Variants in PPFIA2 observed in about 807,000 individuals in gnomAD.
PPFIA2 encodes PPFI scaffold protein A2.
PPFIA2 carries 46 observed loss-of-function variants against 175.5 expected under a neutral mutation model. The observed-to-expected ratio is 0.26, with a 90% CI of 0.21 to 0.34. The LOEUF (loss-of-function observed/expected upper bound fraction) is 0.34. Ranked by LOEUF, PPFIA2 falls within the 10% of genes least tolerant of loss-of-function variation. PPFIA2 has a pLI of 1.00. For missense variants in PPFIA2, 1,179 were observed against 1,506.1 expected, an observed-to-expected ratio of 0.78 and a Z score of 3.60; for synonymous variants, 568 against 511.4, an observed-to-expected ratio of 1.11 and a Z score of -1.49.
intron 11 of PPFIA2, among the ~76,000 whole-genome samples, chr12:81,370,809 C>T (rs1364228940): frequency 6.6e-6 from 1 of 151,834 alleles, no homozygotes; most frequent in African/African-American, 2.4e-5. Context: ...TTAATCATTG[C>T]AAGTTAAGTA....
chr12:81,293,984 G>A (rs1462068395), intron 24 of PPFIA2, among the ~76,000 whole-genome samples: 2 of 152,082 alleles, frequency 1.3e-5, no homozygotes, highest in Non-Finnish European at 2.9e-5. Context: ...AATGTCTTTT[G>A]TAGCAACATA....
chr12:81,487,951 C>T (rs1436594997), intron 4 of PPFIA2, among the ~76,000 whole-genome samples: 2 of 151,754 alleles, frequency 1.3e-5, no homozygotes, highest in African/African-American at 4.8e-5. Flanking sequence ...TCTGCATTTC[C>T]ATTTAATTTT....
At chr12:81,343,022 G>T (rs1230719548) in intron 19 of PPFIA2, among the ~76,000 whole-genome samples, 1 of 151,610 alleles carries the variant, frequency 6.6e-6, no homozygotes, top group African/African-American at 2.4e-5. Flanking sequence ...TTAGAGTTTT[G>T]GAATTAGAGA....
At chr12:81,554,022 CT>C (rs747055069) in intron 4 of PPFIA2, among the ~76,000 whole-genome samples, 17 of 151,616 alleles carry the variant, frequency 1.1e-4, no homozygotes, top group African/African-American at 2.2e-4. Context: ...TTTAATACAA[CT>C]TTTTTTTGCT....
chr12:81,539,103 A>G (rs2065839502), intron 4 of PPFIA2, among the ~76,000 whole-genome samples: 1 of 151,964 alleles, frequency 6.6e-6, no homozygotes, highest in African/African-American at 2.4e-5. Context: ...ATTTTATACT[A>G]ATCCACTGGA....
intron 4 of PPFIA2, among the ~76,000 whole-genome samples, chr12:81,498,560 T>A (rs1164932895): frequency 1.3e-5 from 2 of 152,320 alleles, no homozygotes; most frequent in South Asian, 4.1e-4. Context: ...GTCCTTCTTA[T>A]TGTATCCTTT....
In PPFIA2 at chr12:81,735,607, A is replaced by AT. The variant is rs754845595; in HGVS notation, c.249+18365dup. On this transcript the variant is annotated intron_variant, in intron 3 of 32. Coordinates refer to ENST00000549396, the MANE Select transcript of PPFIA2 (RefSeq NM_003625.5). ...TTATTTTGATGAAGTTCTATTTATA[A>AT]TTTTTTTTGTGGATTGTACTTTTAG... Among the ~76,000 whole-genome samples the AT allele has an allele frequency of 8.6e-5, 13 of 151,528 alleles. No homozygotes were observed. In the East Asian group the frequency reaches 2.0e-3, roughly 23 times the overall value.
At chr12:81,758,912 C>G (rs756651228) in intron 1 of PPFIA2, among the ~76,000 whole-genome samples, 1 of 152,098 alleles carries the variant, frequency 6.6e-6, no homozygotes, top group Admixed American at 6.5e-5. Flanking sequence ...CAAAAGAAAG[C>G]TTGGAGAAAA....
chr12:81,268,921 A>G (rs1458484556), intron 28 of PPFIA2, among the ~76,000 whole-genome samples: 1 of 152,220 alleles, frequency 6.6e-6, no homozygotes, highest in Admixed American at 6.5e-5. Context: ...GCATCAACAG[A>G]TGGATACTTA....
At chr12:81,671,394 T>C (rs1260555198) in intron 4 of PPFIA2, among the ~76,000 whole-genome samples, 1 of 151,936 alleles carries the variant, frequency 6.6e-6, no homozygotes, top group Non-Finnish European at 1.5e-5. Flanking sequence ...TAATGTCAAG[T>C]TTCTCCTGTG....
Position 81,326,494 on chromosome 12 carries a change from T to C in PPFIA2, c.2549-624A>G, listed in dbSNP as rs1036731126. 3.5e-4 allele frequency among the ~76,000 whole-genome samples: 54 copies of C among 152,124 alleles called. 1 individual carries two copies. Among genetic ancestry groups the C allele is most frequent in the African/African-American group, 1.2e-3 (51 of 41,448 alleles). ...AGGTTCTTGTGTTGTTTTTTAAACTTCATAATATTTTTTGAAAAAATTCTA... is the reference window on the plus strand; with the variant it reads ...AGGTTCTTGTGTTGTTTTTTAAACTCCATAATATTTTTTGAAAAAATTCTA... On this transcript the variant is annotated intron_variant, in intron 21 of 32. Transcript: ENST00000549396.
At chr12:81,744,709 G>A (rs1597140705) in intron 3 of PPFIA2, among the ~76,000 whole-genome samples, 1 of 152,078 alleles carries the variant, frequency 6.6e-6, no homozygotes. Flanking sequence ...TACAGGCATG[G>A]GCCACTGCGC....
At chr12:81,387,053 C>T (rs995113962) in intron 8 of PPFIA2, among the ~76,000 whole-genome samples, 5 of 152,002 alleles carry the variant, frequency 3.3e-5, no homozygotes, top group African/African-American at 4.8e-5. Context: ...TGCCCATCGA[C>T]ACCTGTGTTA....
intron 4 of PPFIA2, among the ~76,000 whole-genome samples, chr12:81,463,440 A>C (rs1300718477): frequency 1.3e-5 from 2 of 152,156 alleles, no homozygotes; most frequent in Admixed American, 1.3e-4. Context: ...TATTTTGTTC[A>C]CCAACCTATG....
chr12:81,556,859 C>T (rs769206663), intron 4 of PPFIA2, among the ~76,000 whole-genome samples: 8 of 151,888 alleles, frequency 5.3e-5, no homozygotes, highest in Admixed American at 2.6e-4. Context: ...ATGAGGACTG[C>T]ACATCTTTCA....
chr12:81,712,618 C>T (rs1274717305), intron 3 of PPFIA2, among the ~76,000 whole-genome samples: 1 of 150,930 alleles, frequency 6.6e-6, no homozygotes, highest in Non-Finnish European at 1.5e-5. Flanking sequence ...AATGAACAGC[C>T]CACTCTCAAA....
chr12:81,457,858 A>T lies in PPFIA2; in HGVS notation c.312T>A (p.Ala104=). Residue 104 remains alanine (A), a synonymous_variant, in exon 5 of 33, where the codon GCT becomes GCA. Coordinates refer to ENST00000549396, the MANE Select transcript of PPFIA2 (RefSeq NM_003625.5). ...AGGCATTTAATTCTTTTGTCAGTGC[A>T]GCAAATTCCTGGAAAAGTAATAAAA... ...GSKGADPPEF[A]ALTKELNACR... is the part of the protein sequence containing the mutation. 1 of 1,582,154 alleles carries T rather than the reference A, an allele frequency of 6.3e-7. No individual in the cohort carries two copies. The highest frequency in any genetic ancestry group is 8.6e-7 in the Non-Finnish European group (1 of 1,166,184).
intron 4 of PPFIA2, among the ~76,000 whole-genome samples, chr12:81,600,741 C>G (rs1408268172): frequency 1.3e-5 from 2 of 151,876 alleles, no homozygotes; most frequent in Non-Finnish European, 2.9e-5. Flanking sequence ...TTAGCGAGGC[C>G]ATGTAACTCA....
chr12:81,496,311 G>A (rs898922599), intron 4 of PPFIA2, among the ~76,000 whole-genome samples: 1 of 152,090 alleles, frequency 6.6e-6, no homozygotes, highest in Non-Finnish European at 1.5e-5. Flanking sequence ...ATTTAATTTT[G>A]GAGTGAATTA....
Sources: gnomAD v4.1 joint callset for allele counts (sites outside exome capture counted in the v4.1 genomes callset) on GRCh38, gnomAD v4.1.1 for gene constraint, MANE v1.5 for transcripts, NCBI Gene and HGNC (gene_info 2026-07-23, HGNC 2026-07-21) for gene names.